Variants in CACNA1C observed in about 807,000 individuals in gnomAD.
The protein encoded by CACNA1C is calcium voltage-gated channel subunit alpha1 C.
In CACNA1C, 30 loss-of-function variants were observed where a neutral mutation model predicts 229.0. The observed-to-expected ratio is 0.13, with a 90% CI of 0.10 to 0.18. The LOEUF (loss-of-function observed/expected upper bound fraction) is 0.18, where lower values mean the gene tolerates loss of function less well. Among genes scored for constraint, CACNA1C ranks in the 10% least tolerant of loss-of-function variants. The probability of loss-of-function intolerance (pLI) is 1.00; values close to 1 mark genes in which losing one functional copy is unlikely to be tolerated. For missense variants in CACNA1C, 1,658 were observed against 2,845.0 expected, an observed-to-expected ratio of 0.58 and a Z score of 9.49; for synonymous variants, 1,114 against 1,132.5, an observed-to-expected ratio of 0.98 and a Z score of 0.33.
chr12:2,245,165 T>G (rs1223573131), intron 3 of CACNA1C, among the ~76,000 whole-genome samples: 1 of 152,216 alleles, frequency 6.6e-6, no homozygotes, highest in Non-Finnish European at 1.5e-5. Context: ...TATTATTCTT[T>G]GGGATTTGCA....
intron 3 of CACNA1C, among the ~76,000 whole-genome samples, chr12:2,182,353 G>A (rs185888197): frequency 6.6e-5 from 10 of 152,176 alleles, no homozygotes; most frequent in Admixed American, 5.2e-4. Flanking sequence ...GGTTTCTTCT[G>A]CTTCTGCTTC....
At chr12:2,183,586 G>A (rs1204988182) in intron 3 of CACNA1C, among the ~76,000 whole-genome samples, 2 of 145,082 alleles carry the variant, frequency 1.4e-5, no homozygotes, top group South Asian at 2.1e-4. Context: ...ACCCCCCCCC[G>A]GCTTTCATCA....
chr12:2,588,923 G>A lies in CACNA1C; in HGVS notation c.2530+3019G>A, dbSNP rs2063825027. Among the ~76,000 whole-genome samples, 3 of 152,256 alleles carry A rather than the reference G, an allele frequency of 2.0e-5. No individual in the cohort carries two copies. In the South Asian group the frequency reaches 6.2e-4, roughly 32 times the overall value. On this transcript the variant is annotated intron_variant, in intron 18 of 46. Coordinates refer to ENST00000399655, the MANE Select transcript of CACNA1C (RefSeq NM_000719.7). The stretch of plus-strand genomic sequence containing the variant: ...AGTAGTCAGCACCGCCTGTGCTGGG[G>A]GAGGCTTTCATTGCTGCAGAGGGTT...
At chr12:2,544,202 T>G (rs559565501) in intron 9 of CACNA1C, among the ~76,000 whole-genome samples, 2 of 152,152 alleles carry the variant, frequency 1.3e-5, no homozygotes, top group East Asian at 3.9e-4. Flanking sequence ...ACTTTGTACC[T>G]TAAAGATGAG....
At chr12:2,397,558 G>C (rs1263696390) in intron 3 of CACNA1C, among the ~76,000 whole-genome samples, 2 of 152,234 alleles carry the variant, frequency 1.3e-5, no homozygotes, top group African/African-American at 2.4e-5. Context: ...GACCAGTCCA[G>C]AGTCCACGGC....
intron 1 of CACNA1C, among the ~76,000 whole-genome samples, chr12:2,022,238 G>T (rs1457078384): frequency 6.6e-6 from 1 of 152,176 alleles, no homozygotes; most frequent in African/African-American, 2.4e-5. Flanking sequence ...ATTGGATCCT[G>T]CTGTGCACAC....
intron 1 of CACNA1C, among the ~76,000 whole-genome samples, chr12:2,055,799 C>T (rs2054484002): frequency 6.6e-6 from 1 of 152,166 alleles, no homozygotes; most frequent in South Asian, 2.1e-4. Flanking sequence ...TGGAAGAGCA[C>T]CAAGATCCCT....
At chr12:2,040,154 A>AT (rs35226766) in intron 1 of CACNA1C, among the ~76,000 whole-genome samples, 32,583 of 148,522 alleles carry the variant, frequency 0.22, 4,096 homozygotes, top group African/African-American at 0.35. Flanking sequence ...AACTCCATCT[A>AT]TTTTTTTTTT....
chr12:1,994,759 G>C (rs1263682560), intron 1 of CACNA1C, among the ~76,000 whole-genome samples: 2 of 152,114 alleles, frequency 1.3e-5, no homozygotes, highest in African/African-American at 2.4e-5. Context: ...ATCACAACAG[G>C]ATCTCACCTC....
At chr12:2,164,760 T>A (rs1597821376) in intron 3 of CACNA1C, among the ~76,000 whole-genome samples, 1 of 152,364 alleles carries the variant, frequency 6.6e-6, no homozygotes, top group East Asian at 1.9e-4. Context: ...GCAAGTCACC[T>A]TGTTAAGTAC....
intron 3 of CACNA1C, among the ~76,000 whole-genome samples, chr12:2,345,198 G>A (rs1190471368): frequency 6.6e-6 from 1 of 151,890 alleles, no homozygotes; most frequent in East Asian, 1.9e-4. Flanking sequence ...CTTGCCAAGT[G>A]CGCAGAGGTG....
chr12:2,291,764 A>G (rs1314380111), intron 3 of CACNA1C, among the ~76,000 whole-genome samples: 2 of 152,196 alleles, frequency 1.3e-5, no homozygotes, highest in African/African-American at 4.8e-5. Context: ...GAATGTAACC[A>G]GCCCACTGGA....
chr12:2,376,856 G>T (rs1219648254), intron 3 of CACNA1C, among the ~76,000 whole-genome samples: 1 of 152,160 alleles, frequency 6.6e-6, no homozygotes, highest in South Asian at 2.1e-4. Flanking sequence ...GGTGAAAGAT[G>T]GTGGTGCCCT....
chr12:2,447,622 T>G (rs536860148), intron 3 of CACNA1C, among the ~76,000 whole-genome samples: 37 of 152,328 alleles, frequency 2.4e-4, no homozygotes, highest in African/African-American at 8.9e-4. Context: ...TGTGATGGAA[T>G]GAATGGGAGC....
intron 1 of CACNA1C, among the ~76,000 whole-genome samples, chr12:2,023,730 G>A (rs1222880932): frequency 1.3e-5 from 2 of 152,272 alleles, no homozygotes. Flanking sequence ...TGACAAAAAT[G>A]TGCCTTTCTA....
intron 3 of CACNA1C, among the ~76,000 whole-genome samples, chr12:2,270,785 C>T (rs1020742437): frequency 2.6e-5 from 4 of 152,180 alleles, no homozygotes; most frequent in African/African-American, 9.7e-5. Flanking sequence ...GCCACTATTC[C>T]AATTCTTCTT....
chr12:2,101,674 C>T (rs556525915), intron 1 of CACNA1C, among the ~76,000 whole-genome samples: 13 of 152,196 alleles, frequency 8.5e-5, no homozygotes, highest in African/African-American at 1.9e-4. Context: ...CAGGTCCTGC[C>T]GGTTCCCAAG....
Position 2,665,082 on chromosome 12 carries a change from C to G in CACNA1C, c.4398+92C>G. On this transcript the variant is annotated intron_variant, in intron 35 of 46. Coordinates refer to ENST00000399655, the MANE Select transcript of CACNA1C (RefSeq NM_000719.7). The surrounding 1 kb of genome is among the most constrained non-coding windows in gnomAD (Gnocchi z 5.9). ...CCATCTCTGCAGCTCATGGTCAGGG[C>G]AACCCTATCAGAGGAGCTGGCTTGG... The G allele has an allele frequency of 7.3e-7, 1 of 1,362,846 alleles. No individual in the cohort carries two copies. Among genetic ancestry groups the G allele is most frequent in the Non-Finnish European group, 1.0e-6 (1 of 968,430 alleles). 84.4% of individuals were successfully genotyped at this position (1,362,846 alleles called of 1,614,324 possible).
At chr12:2,060,939 A>G (rs777393795) in intron 1 of CACNA1C, among the ~76,000 whole-genome samples, 7 of 152,246 alleles carry the variant, frequency 4.6e-5, no homozygotes, top group Non-Finnish European at 8.8e-5. Flanking sequence ...TGTCATGTAC[A>G]GTCATTTATA....
Sources: gnomAD v4.1 joint callset for allele counts (sites outside exome capture counted in the v4.1 genomes callset) on GRCh38, gnomAD v4.1.1 for gene constraint, Gnocchi (gnomAD v3.1) non-coding constraint, MANE v1.5 for transcripts, NCBI Gene and HGNC (gene_info 2026-07-23, HGNC 2026-07-21) for gene names.